CCL24: variants seen among roughly 807,000 people sequenced by gnomAD.
The protein encoded by CCL24 is C-C motif chemokine ligand 24.
Under a neutral mutation model 8.6 loss-of-function variants are expected in CCL24, and 6 were observed. The observed-to-expected ratio is 0.70, with a 90% CI of 0.38 to 1.38. The LOEUF (loss-of-function observed/expected upper bound fraction) is 1.38, where lower values mean the gene tolerates loss of function less well. Among genes scored for constraint, CCL24 ranks in the 40% most tolerant of loss-of-function variants. The pLI is 0.02. For missense variants in CCL24, 126 were observed against 147.1 expected, an observed-to-expected ratio of 0.86 and a Z score of 0.74; for synonymous variants, 59 against 52.7, an observed-to-expected ratio of 1.12 and a Z score of -0.52.
intron 1 of CCL24, among the ~76,000 whole-genome samples, chr7:75,822,971 C>T (rs918657130): frequency 6.6e-6 from 1 of 152,230 alleles, no homozygotes; most frequent in Non-Finnish European, 1.5e-5. Context: ...AGGCAGCATG[C>T]TCCGCTGAGT....
At chr7:75,822,835 GA>G (rs1310273718) in intron 1 of CCL24, among the ~76,000 whole-genome samples, 4 of 151,410 alleles carry the variant, frequency 2.6e-5, no homozygotes, top group Admixed American at 1.3e-4. Context: ...TCTCCAAAAA[GA>G]AAAAAAAGAA....
intron 1 of CCL24, among the ~76,000 whole-genome samples, chr7:75,822,432 C>T (rs2115821426): frequency 1.3e-5 from 2 of 152,312 alleles, no homozygotes; most frequent in Middle Eastern, 6.8e-3. Context: ...GTGAGGGACT[C>T]CATGAAACGC....
rs1803772469 is a variant in CCL24, at chr7:75,811,897, T to TC, written c.258dup (p.Lys87GlufsTer13). 1.2e-6 allele frequency: 2 copies of TC among 1,610,604 alleles called. No individual in the cohort carries two copies. The highest frequency in any genetic ancestry group is 2.7e-5 in the African/African-American group (2 of 73,802). On this transcript the variant is annotated frameshift_variant, in exon 3 of 3. Coordinates refer to ENST00000222902, the MANE Select transcript of CCL24 (RefSeq NM_002991.3). LOFTEE classifies it high-confidence loss of function. ...TTCTTCTGCTTGGCGTCCAGGTTCT[T>TC]CATGTACCTCTGGACCCACTCCTGC...
chr7:75,814,845 G>A (rs901768470), upstream of CCL24, among the ~76,000 whole-genome samples: 10 of 151,966 alleles, frequency 6.6e-5, no homozygotes, highest in South Asian at 2.1e-4. Context: ...TTTCCAACTC[G>A]GTCAAATCTG....
chr7:75,813,636 G>A lies in CCL24; in HGVS notation c.73+7C>T, dbSNP rs372946559. ...CCCTTGGAACTGCATCCTGTCGGAG[G>A]TCTTACCCGTAGGGATGATGTGGTG... On this transcript the variant is annotated splice_region_variant and intron_variant, in intron 1 of 2. Transcript: ENST00000222902. The A allele has an allele frequency of 6.2e-7, 1 of 1,611,068 alleles. No individual in the cohort carries two copies. The highest frequency in any genetic ancestry group is 1.3e-5 in the African/African-American group (1 of 74,994).
rs1803963083 is a variant in CCL24 at position 75,819,284 on chromosome 7, AAAAAAAAAAAAAAAAAAAAATATATAT to A, written c.-60+4011_-60+4037del. Among the ~76,000 whole-genome samples the A allele has an allele frequency of 1.9e-4, 5 of 26,272 alleles. 1 individual carries two copies. The highest frequency in any genetic ancestry group is 7.1e-4 in the African/African-American group (5 of 7,022). 17.2% of individuals were successfully genotyped at this position (26,272 alleles called of 152,430 possible). The stretch of plus-strand genomic sequence containing the variant: ...ACTCCGTCTCAAAAAAAAAAAAAAA[AAAAAAAAAAAAAAAAAAAAATATATAT>A]ATATATATATATATATATATATATA... On this transcript the variant is annotated intron_variant, in intron 1 of 3. Coordinates refer to the CCL24 transcript ENST00000416943.
At chr7:75,821,927 C>CAA (rs1287627655) in intron 1 of CCL24, among the ~76,000 whole-genome samples, 67 of 74,160 alleles carry the variant, frequency 9.0e-4, no homozygotes, top group African/African-American at 2.4e-3. Flanking sequence ...GACTCCGTCT[C>CAA]AAAAAAAAAA....
At chr7:75,815,546 G>A (rs1203510892), upstream of CCL24, among the ~76,000 whole-genome samples, 1 of 152,122 alleles carries the variant, frequency 6.6e-6, no homozygotes, top group Non-Finnish European at 1.5e-5. Context: ...GGAAAGTTCA[G>A]GAGGGACTCA....
intron 1 of CCL24, among the ~76,000 whole-genome samples, chr7:75,820,032 T>TTCC (rs1563353754): frequency 7.7e-6 from 1 of 129,912 alleles, no homozygotes; most frequent in Non-Finnish European, 1.7e-5. Flanking sequence ...CTTCTTCTTC[T>TTCC]TCTTCTTCTT....
At chr7:75,820,369 C>T (rs946572525) in intron 1 of CCL24, among the ~76,000 whole-genome samples, 8 of 151,882 alleles carry the variant, frequency 5.3e-5, no homozygotes, top group Admixed American at 1.3e-4. Context: ...TTAGTGGAGG[C>T]GGGGTTCCAC....
At chr7:75,813,513 C>T (rs1803820586) in intron 1 of CCL24, 90 bp from the exon 2 acceptor site, 3 of 1,256,516 alleles carry the variant, frequency 2.4e-6, no homozygotes, top group Non-Finnish European at 2.3e-6. Context: ...CTGCACCAAA[C>T]ACCGCCAGTC....
At chr7:75,820,222 TGTC>T (rs1804017773) in intron 1 of CCL24, among the ~76,000 whole-genome samples, 1 of 150,022 alleles carries the variant, frequency 6.7e-6, no homozygotes, top group Admixed American at 6.8e-5. Context: ...AATCTTGCTT[TGTC>T]GTCCAGGCAA....
intron 1 of CCL24, among the ~76,000 whole-genome samples, chr7:75,822,301 A>C (rs1470574777): frequency 2.6e-5 from 4 of 152,088 alleles, no homozygotes; most frequent in Non-Finnish European, 5.9e-5. Context: ...TCCCAACCAT[A>C]TGCTCACTTG....
chr7:75,813,257 G>C, intron 2 of CCL24, 49 bp downstream of exon 2: 1 of 1,154,236 alleles, frequency 8.7e-7, no homozygotes, highest in Non-Finnish European at 1.3e-6. Flanking sequence ...CCCTGGAGTT[G>C]CACCTGCCCC....
upstream of CCL24, among the ~76,000 whole-genome samples, chr7:75,815,035 G>A (rs1265963882): frequency 1.3e-5 from 2 of 152,064 alleles, no homozygotes; most frequent in African/African-American, 4.8e-5. Context: ...GTGGGAGGAA[G>A]GGAAACATAG....
At chr7:75,816,014 G>A (rs954127446), upstream of CCL24, among the ~76,000 whole-genome samples, 1 of 152,144 alleles carries the variant, frequency 6.6e-6, no homozygotes, top group Non-Finnish European at 1.5e-5. Context: ...GGCACACACC[G>A]ATGTAAGACC....
chr7:75,816,081 G>T (rs1173809020), upstream of CCL24, among the ~76,000 whole-genome samples: 1 of 152,150 alleles, frequency 6.6e-6, no homozygotes, highest in Non-Finnish European at 1.5e-5. Context: ...CCAGCTGGGT[G>T]TCTGCGTCTC....
In CCL24 at chr7:75,811,160, A is replaced by AT. The variant is rs201066651; in HGVS notation, c.*635dup. Among the ~76,000 whole-genome samples, 61 of 151,394 alleles carry AT rather than the reference A, an allele frequency of 4.0e-4. No individual in the cohort carries two copies. The highest frequency in any genetic ancestry group is 1.3e-3 in the African/African-American group (52 of 41,334). ...GTTCATTTCCTTTAAAAAAAAAAAA[A>AT]TTATGATTTTTTTTTTTCAACATAA... is the stretch of plus-strand genomic sequence containing the variant. On this transcript the variant is annotated 3_prime_UTR_variant, in exon 3 of 3. Transcript: ENST00000222902.
chr7:75,820,015 A>ACTTCTTCTTCTT (rs1169565703), intron 1 of CCL24, among the ~76,000 whole-genome samples: 5 of 84,468 alleles, frequency 5.9e-5, no homozygotes, highest in South Asian at 8.1e-4. Context: ...CTTTTAGTAA[A>ACTTCTTCTTCTT]CTACTTCTTC....
Sources: allele counts gnomAD v4.1 joint callset (sites outside exome capture counted in the v4.1 genomes callset), GRCh38; gene constraint gnomAD v4.1.1; transcripts MANE v1.5; gene names NCBI Gene and HGNC (gene_info 2026-07-23, HGNC 2026-07-21).